Variants in ZDHHC14 observed in about 807,000 individuals in gnomAD.
ZDHHC14 encodes the protein zDHHC palmitoyltransferase 14, also known as palmitoyltransferase ZDHHC14.
Under a neutral mutation model 47.7 loss-of-function variants are expected in ZDHHC14, and 16 were observed. The ratio of observed to expected loss-of-function variants is 0.34; its 90% CI spans 0.23 to 0.51. The LOEUF is 0.51. ZDHHC14 is among the 20% of genes least tolerant of loss of function. The pLI is 0.97. For synonymous variants in ZDHHC14, 293 were observed against 278.9 expected (o/e 1.05, Z -0.50); for missense variants, 515 against 662.5 (o/e 0.78, Z 2.44).
At chr6:157,629,181 G>T (rs1785561648) in intron 4 of ZDHHC14, among the ~76,000 whole-genome samples, 1 of 152,138 alleles carries the variant, frequency 6.6e-6, no homozygotes, top group South Asian at 2.1e-4. Flanking sequence ...CATTCTGAGG[G>T]TTATAACTTT....
intron 2 of ZDHHC14, among the ~76,000 whole-genome samples, chr6:157,562,769 C>T (rs563219682): frequency 7.0e-4 from 106 of 152,226 alleles, no homozygotes; most frequent in African/African-American, 2.1e-3. Context: ...ATATAGGGAG[C>T]GTTTTATGTG....
intron 1 of ZDHHC14, among the ~76,000 whole-genome samples, chr6:157,382,630 G>A (rs1360722065): frequency 6.6e-6 from 1 of 152,190 alleles, no homozygotes; most frequent in Non-Finnish European, 1.5e-5. Flanking sequence ...AGCCTGCCGT[G>A]GGAAGGTGGG....
At chr6:157,668,944 C>G (rs1000325989) in intron 8 of ZDHHC14, among the ~76,000 whole-genome samples, 1 of 152,144 alleles carries the variant, frequency 6.6e-6, no homozygotes, top group African/African-American at 2.4e-5. Context: ...GTGGTCTGAA[C>G]CATGCCATGG....
At chr6:157,393,200 C>T (rs1777454561) in intron 1 of ZDHHC14, among the ~76,000 whole-genome samples, 1 of 152,164 alleles carries the variant, frequency 6.6e-6, no homozygotes, top group Non-Finnish European at 1.5e-5. Flanking sequence ...AACTTAAGCA[C>T]ACTTTAGCAC....
chr6:157,431,079 T>TA (rs1223028015), intron 1 of ZDHHC14, among the ~76,000 whole-genome samples: 1 of 152,310 alleles, frequency 6.6e-6, no homozygotes, highest in South Asian at 2.1e-4. Flanking sequence ...CCAGAGTGTA[T>TA]ACGGGACACA....
At chr6:157,669,279 G>A (rs1211794040) in intron 8 of ZDHHC14, among the ~76,000 whole-genome samples, 1 of 151,912 alleles carries the variant, frequency 6.6e-6, no homozygotes. Flanking sequence ...AGAGGAAAAG[G>A]GCCAGCAGCT....
chr6:157,671,500 G>T (rs1052676109), intron 8 of ZDHHC14, among the ~76,000 whole-genome samples: 1 of 152,190 alleles, frequency 6.6e-6, no homozygotes, highest in Admixed American at 6.5e-5. Context: ...AGAAGGTACC[G>T]CACAGGCTCA....
At chr6:157,445,272 T>G (rs555842265) in intron 1 of ZDHHC14, among the ~76,000 whole-genome samples, 1 of 152,224 alleles carries the variant, frequency 6.6e-6, no homozygotes, top group South Asian at 2.1e-4. Flanking sequence ...GATGGAAAGA[T>G]TCAAAGAGTT....
intron 1 of ZDHHC14, among the ~76,000 whole-genome samples, chr6:157,482,423 T>A (rs1419131273): frequency 6.6e-6 from 1 of 151,838 alleles, no homozygotes; most frequent in Non-Finnish European, 1.5e-5. Context: ...TTGGCTAATT[T>A]TTTTTTTTTA....
At chr6:157,387,047 A>G (rs1364814998) in intron 1 of ZDHHC14, among the ~76,000 whole-genome samples, 1 of 152,132 alleles carries the variant, frequency 6.6e-6, no homozygotes, top group Admixed American at 6.5e-5. Flanking sequence ...GGGTCTCCGC[A>G]TTCTACACTG....
At chr6:157,505,228 C>T (rs994965009) in intron 1 of ZDHHC14, among the ~76,000 whole-genome samples, 3 of 152,196 alleles carry the variant, frequency 2.0e-5, no homozygotes, top group African/African-American at 7.2e-5. Flanking sequence ...AGGGAGTCGT[C>T]TGGAAGGTAA....
chr6:157,613,500 G>A (rs1025454905), intron 3 of ZDHHC14, among the ~76,000 whole-genome samples: 36 of 152,248 alleles, frequency 2.4e-4, no homozygotes, highest in Non-Finnish European at 3.8e-4. Context: ...GACTTATGCC[G>A]GGGTTAGCCC....
chr6:157,556,637 C>G (rs1427771792), intron 2 of ZDHHC14, among the ~76,000 whole-genome samples: 2 of 83,630 alleles, frequency 2.4e-5, no homozygotes, highest in Admixed American at 1.1e-4. Flanking sequence ...ATTGACAGCA[C>G]AGTCAGGAGC....
intron 2 of ZDHHC14, among the ~76,000 whole-genome samples, chr6:157,573,961 C>CG (rs781429140): frequency 3.3e-5 from 5 of 150,906 alleles, no homozygotes; most frequent in South Asian, 2.1e-4. Flanking sequence ...ACCTCGGGGT[C>CG]GGGGGGGAAG....
chr6:157,555,912 G>A (rs1215427182), intron 2 of ZDHHC14, among the ~76,000 whole-genome samples: 8 of 152,226 alleles, frequency 5.3e-5, no homozygotes, highest in African/African-American at 1.9e-4. Context: ...ATTTGTGAGG[G>A]CTGAAGGGAC....
chr6:157,505,734 TA>T (rs11301558), intron 1 of ZDHHC14, among the ~76,000 whole-genome samples: 98,622 of 151,794 alleles, frequency 0.65, 32,272 homozygotes, highest in African/African-American at 0.73. Flanking sequence ...GATCAGAAGT[TA>T]AAAAAAAAAT....
intron 2 of ZDHHC14, among the ~76,000 whole-genome samples, chr6:157,552,775 C>T (rs1782289659): frequency 6.6e-6 from 1 of 152,084 alleles, no homozygotes; most frequent in Admixed American, 6.5e-5. Context: ...CAGCTTGTTT[C>T]CTAGCGGCCC....
intron 1 of ZDHHC14, among the ~76,000 whole-genome samples, chr6:157,394,605 C>T (rs1777485759): frequency 6.6e-6 from 1 of 152,220 alleles, no homozygotes; most frequent in Admixed American, 6.5e-5. Flanking sequence ...TTGACTCCCC[C>T]ACCTCCATGA....
At chr6:157,477,792 G>A (rs904416797) in intron 1 of ZDHHC14, among the ~76,000 whole-genome samples, 8 of 152,188 alleles carry the variant, frequency 5.3e-5, no homozygotes, top group African/African-American at 1.9e-4. Flanking sequence ...TATTTAGAAA[G>A]TTGTAACAGT....
Sources: allele counts gnomAD v4.1 joint callset (sites outside exome capture counted in the v4.1 genomes callset), GRCh38; gene constraint gnomAD v4.1.1; transcripts MANE v1.5; gene names NCBI Gene and HGNC (gene_info 2026-07-23, HGNC 2026-07-21).